The following PIAS2 variants were observed in gnomAD, a reference collection of about 807,000 sequenced individuals.
The protein encoded by PIAS2 is E3 SUMO-protein ligase PIAS2.
A neutral mutation model predicts 69.7 loss-of-function variants in PIAS2; 19 were observed. That is an observed-to-expected ratio of 0.27 (90% CI 0.19 to 0.40). The LOEUF (loss-of-function observed/expected upper bound fraction) is 0.40. Among genes scored for constraint, PIAS2 ranks in the 10% least tolerant of loss-of-function variants. The pLI is 1.00. For synonymous variants in PIAS2, 261 were observed against 263.2 expected, an observed-to-expected ratio of 0.99 and a Z score of 0.08; for missense variants, 624 against 757.0, an observed-to-expected ratio of 0.82 and a Z score of 2.06.
chr18:46,828,108 A>T lies in PIAS2; in HGVS notation c.1359T>A (p.Pro453=), dbSNP rs199671767. 8.6e-5 allele frequency: 139 copies of T among 1,610,078 alleles called. No homozygotes were observed. Among genetic ancestry groups the T allele is most frequent in the Non-Finnish European group, 3.6e-5 (43 of 1,178,252 alleles). Reference sequence around the variant, plus strand: ...CCTCACTGGCTACAGTCACTGAACAAGGCTTACTGAGGACGCTTGAACCTG... The same window carrying T: ...CCTCACTGGCTACAGTCACTGAACATGGCTTACTGAGGACGCTTGAACCTG... ...KIESSSVLSK[P]CSVTVASEAS... is the part of the protein sequence containing the mutation. Residue 453 remains proline (P), a synonymous_variant, in exon 11 of 14, where the codon CCT becomes CCA. Transcript: ENST00000585916.
At chr18:46,917,096 C>T (rs1280217627) in intron 1 of PIAS2, 2 of 989,416 alleles carry the variant, frequency 2.0e-6, no homozygotes, top group African/African-American at 3.5e-5. Context: ...CACTCAGGAG[C>T]CGGCTCGCCG....
chr18:46,860,813 T>TA (rs1411631180), intron 3 of PIAS2, among the ~76,000 whole-genome samples: 1 of 151,962 alleles, frequency 6.6e-6, no homozygotes, highest in East Asian at 1.9e-4. Context: ...CCCATCTCTA[T>TA]AAAAAACATA....
At chr18:46,891,609 T>TTTTAAAATAAA (rs1568779808) in intron 1 of PIAS2, 1 of 686,266 alleles carries the variant, frequency 1.5e-6, no homozygotes, top group East Asian at 1.3e-4. Flanking sequence ...ATAATAAAGA[T>TTTTAAAATAAA]ATTTTAAAAT....
rs557745851 is a variant in PIAS2 at position 46,805,316 on chromosome 18, G to A, written c.*7117C>T. 6.6e-6 allele frequency: 1 copy of A among 152,324 alleles called. No individual in the cohort carries two copies. The highest frequency in any genetic ancestry group is 1.9e-4 in the East Asian group (1 of 5,184). 9.4% of individuals were successfully genotyped at this position (152,324 alleles called of 1,614,324 possible). ...AGTAGACGAAAATGCTGGAGGTAAA[G>A]TAACCAATACCTCACAGACCAACTT... On this transcript the variant is annotated 3_prime_UTR_variant, in exon 14 of 14. Transcript: ENST00000585916.
intron 12 of PIAS2, 40 bp downstream of exon 12, chr18:46,820,893 T>A: frequency 6.4e-7 from 1 of 1,569,994 alleles, no homozygotes; most frequent in Middle Eastern, 1.7e-4. Flanking sequence ...AAAAATAAAC[T>A]TTCATTAAAA....
chr18:46,827,613 G>A (rs1449226010), intron 11 of PIAS2: 2 of 179,598 alleles, frequency 1.1e-5, no homozygotes, highest in Non-Finnish European at 2.3e-5. Context: ...TGCCAAAATT[G>A]GAATCCATAC....
intron 3 of PIAS2, among the ~76,000 whole-genome samples, chr18:46,857,266 G>A (rs550735098): frequency 6.6e-6 from 1 of 152,296 alleles, no homozygotes; most frequent in South Asian, 2.1e-4. Flanking sequence ...GGGTGCTGGA[G>A]CTTCAAAGAC....
At chr18:46,917,134 C>G in intron 1 of PIAS2, 188 bp downstream of exon 1, 2 of 1,010,258 alleles carry the variant, frequency 2.0e-6, no homozygotes, top group Non-Finnish European at 2.4e-6. Flanking sequence ...CCCCGCGCCG[C>G]CCGCGTGCCC....
upstream of PIAS2, among the ~76,000 whole-genome samples, chr18:46,919,003 ATATATGTGTG>A (rs950864847): frequency 6.8e-6 from 1 of 146,062 alleles, no homozygotes; most frequent in African/African-American, 2.7e-5. Context: ...GTGTATATAT[ATATATGTGTG>A]TGTGTGTGTG....
At chr18:46,860,297 G>A (rs2048459825) in intron 3 of PIAS2, among the ~76,000 whole-genome samples, 2 of 152,166 alleles carry the variant, frequency 1.3e-5, no homozygotes, top group Admixed American at 6.5e-5. Flanking sequence ...AGAAACATGG[G>A]GAGAGAAGTA....
At chr18:46,835,182 T>C (rs2044258165) in intron 9 of PIAS2, among the ~76,000 whole-genome samples, 1 of 152,192 alleles carries the variant, frequency 6.6e-6, no homozygotes, top group Admixed American at 6.5e-5. Flanking sequence ...CATCTCTCTC[T>C]ACATTCACAA....
chr18:46,873,895 G>A (rs992483326), intron 2 of PIAS2, among the ~76,000 whole-genome samples: 8 of 151,816 alleles, frequency 5.3e-5, no homozygotes, highest in African/African-American at 1.5e-4. Context: ...TCCCCCTACC[G>A]CCATTCCCAT....
intron 11 of PIAS2, among the ~76,000 whole-genome samples, chr18:46,823,259 G>GT (rs372284726): frequency 2.0e-4 from 29 of 148,546 alleles, no homozygotes; most frequent in Admixed American, 5.4e-4. Context: ...AACCTATCGT[G>GT]TTTTTTTTTT....
At chr18:46,873,854 C>T (rs927030272) in intron 2 of PIAS2, among the ~76,000 whole-genome samples, 2 of 152,180 alleles carry the variant, frequency 1.3e-5, no homozygotes, top group African/African-American at 2.4e-5. Context: ...TCCTCTGAAA[C>T]GCCCGTTTTT....
intron 6 of PIAS2, among the ~76,000 whole-genome samples, chr18:46,846,022 T>G (rs1385323184): frequency 2.6e-5 from 4 of 152,200 alleles, no homozygotes; most frequent in Non-Finnish European, 4.4e-5. Flanking sequence ...AACTGATGCT[T>G]CATGTAATAT....
At chr18:46,845,605 G>A (rs1055466358) in intron 6 of PIAS2, among the ~76,000 whole-genome samples, 1 of 150,706 alleles carries the variant, frequency 6.6e-6, no homozygotes, top group Non-Finnish European at 1.5e-5. Flanking sequence ...GCTATGAACA[G>A]ACAAAATATA....
At chr18:46,917,167 C>T (rs944417060) in intron 1 of PIAS2, 155 bp downstream of exon 1, 1 of 1,126,922 alleles carries the variant, frequency 8.9e-7, no homozygotes, top group African/African-American at 1.7e-5. Flanking sequence ...CTCCCCTCCC[C>T]CGCGCCCTCG....
intron 3 of PIAS2, among the ~76,000 whole-genome samples, chr18:46,863,600 A>C (rs980369196): frequency 1.3e-5 from 2 of 152,198 alleles, no homozygotes; most frequent in African/African-American, 4.8e-5. Context: ...CCTGGGAATA[A>C]ATTTTTCATT....
chr18:46,889,457 T>G (rs1169437054), intron 2 of PIAS2, among the ~76,000 whole-genome samples: 1 of 151,790 alleles, frequency 6.6e-6, no homozygotes, highest in Non-Finnish European at 1.5e-5. Context: ...GATACATAAA[T>G]GGCCAAAAAG....
Sources: gnomAD v4.1 joint callset for allele counts (sites outside exome capture counted in the v4.1 genomes callset) on GRCh38, gnomAD v4.1.1 for gene constraint, MANE v1.5 for transcripts, NCBI Gene and HGNC (gene_info 2026-07-23, HGNC 2026-07-21) for gene names.